Variants in RER1 observed in about 807,000 individuals in gnomAD.
RER1 encodes protein RER1.
Under a neutral mutation model 28.3 loss-of-function variants are expected in RER1, and 6 were observed. The ratio of observed to expected loss-of-function variants is 0.21; its 90% CI spans 0.12 to 0.42. The LOEUF (loss-of-function observed/expected upper bound fraction) is 0.42. Among genes scored for constraint, RER1 ranks in the 10% least tolerant of loss-of-function variants. The pLI, the probability that RER1 is intolerant of heterozygous loss-of-function variation, is 1.00. For synonymous variants in RER1, 110 were observed against 95.9 expected (o/e 1.15, Z -0.86); for missense variants, 159 against 252.9 (o/e 0.63, Z 2.52).
At chr1:2,396,129 A>G (rs1642764651) in intron 2 of RER1, 1 of 455,750 alleles carries the variant, frequency 2.2e-6, no homozygotes, top group African/African-American at 2.0e-5. Context: ...AAAATATAAA[A>G]CCCAGTCTCA....
In RER1 at chr1:2,405,365, T is replaced by G. The variant is rs866387988; in HGVS notation, c.*2241T>G. On this transcript the variant is annotated 3_prime_UTR_variant, in exon 7 of 7. Coordinates refer to ENST00000605895, the MANE Select transcript of RER1 (RefSeq NM_007033.5). ...CCCCACCCAGCACGCACTCATTCAG[T>G]CCATTGCCTTAACACAAGCCTGATG... The G allele has an allele frequency of 1.3e-4, 46 of 364,412 alleles. No homozygotes were observed. The highest frequency in any genetic ancestry group is 7.8e-4 in the African/African-American group (37 of 47,264). 22.6% of individuals were successfully genotyped at this position (364,412 alleles called of 1,614,324 possible).
In RER1 at chr1:2,394,914, T is replaced by G. The variant is rs182110424; in HGVS notation, c.-7-870T>G. ...GCAGGCCCTGGGTACTGAGCTGTGCTTTACCGAAGAGCGGCAGGTCCTGAC... is the reference window on the plus strand; with the variant it reads ...GCAGGCCCTGGGTACTGAGCTGTGCGTTACCGAAGAGCGGCAGGTCCTGAC... On this transcript the variant is annotated intron_variant, in intron 1 of 6. Coordinates refer to ENST00000605895, the MANE Select transcript of RER1 (RefSeq NM_007033.5). 392 of 152,384 alleles carry G rather than the reference T, an allele frequency of 2.6e-3. 3 individuals carry two copies. The highest frequency in any genetic ancestry group is 9.3e-3 in the African/African-American group (387 of 41,582). 9.4% of individuals were successfully genotyped at this position (152,384 alleles called of 1,614,324 possible). A position where few individuals can be genotyped will look rare whatever the true frequency, so the allele number is the denominator to read the frequency against.
rs1642904313 is a variant in RER1 at position 2,403,448 on chromosome 1, AGCAAGGCCTGCGAGGGAGGAACGG to A, written c.*327_*350del. 3.0e-6 allele frequency: 1 copy of A among 338,436 alleles called. No individual in the cohort carries two copies. The highest frequency in any genetic ancestry group is 2.2e-5 in the African/African-American group (1 of 45,910). 21.0% of individuals were successfully genotyped at this position (338,436 alleles called of 1,614,324 possible). ...CCGCTGTGCCAGGTGGGCAGGCAGGAGCAAGGCCTGCGAGGGAGGAACGGGCCGCTCCCCGCCAGCCGCCTTCCC... is the reference window on the plus strand; with the variant it reads ...CCGCTGTGCCAGGTGGGCAGGCAGGAGCCGCTCCCCGCCAGCCGCCTTCCC... On this transcript the variant is annotated 3_prime_UTR_variant, in exon 7 of 7. Coordinates refer to ENST00000605895, the MANE Select transcript of RER1 (RefSeq NM_007033.5).
intron 5 of RER1, among the ~76,000 whole-genome samples, chr1:2,401,391 C>T (rs1337720040): frequency 5.3e-5 from 3 of 56,446 alleles, no homozygotes; most frequent in African/African-American, 1.4e-4. Context: ...CTCCTCCCTC[C>T]TCCTCCCTCC....
intron 5 of RER1, among the ~76,000 whole-genome samples, chr1:2,401,310 CCTCCCTCCTTCCTG>C (rs1642851488): frequency 9.9e-6 from 1 of 101,196 alleles, no homozygotes; most frequent in African/African-American, 3.8e-5. Context: ...CCTGCCGCCT[CCTCCCTCCTTCCTG>C]CCTCCTCCTC....
intron 3 of RER1, among the ~76,000 whole-genome samples, chr1:2,398,324 G>A (rs554861664): frequency 3.7e-4 from 56 of 152,356 alleles, no homozygotes; most frequent in Non-Finnish European, 6.9e-4. Flanking sequence ...GCGTTCAGCC[G>A]TCTGACTGGA....
chr1:2,399,399 T>G lies in RER1; in HGVS notation c.187-16T>G. On this transcript the variant is annotated splice_polypyrimidine_tract_variant and intron_variant, in intron 3 of 6. Coordinates refer to ENST00000605895, the MANE Select transcript of RER1 (RefSeq NM_007033.5). ...CGGTCAGAGTGCACCACTGACTCTC[T>G]TTCCTTCTCTTTCAGGGTTGGTACA... 1 of 1,559,876 alleles carries G rather than the reference T, an allele frequency of 6.4e-7. No individual in the cohort carries two copies. The highest frequency in any genetic ancestry group is 8.8e-7 in the Non-Finnish European group (1 of 1,130,610).
intron 3 of RER1, 40 bp downstream of exon 3, chr1:2,397,260 C>G (rs778599913): frequency 2.2e-6 from 3 of 1,359,232 alleles, no homozygotes; most frequent in Non-Finnish European, 1.1e-6. Context: ...GCTCTGTCCA[C>G]GTTACCTGGG....
rs902595978 is a variant in RER1 at position 2,404,959 on chromosome 1, C to T, written c.*1835C>T. 4 of 154,276 alleles carry T rather than the reference C, an allele frequency of 2.6e-5. No homozygotes were observed. The highest frequency in any genetic ancestry group is 5.8e-5 in the Non-Finnish European group (4 of 69,158). The allele number at this position is 154,276 out of a possible 1,614,324, so 9.6% of individuals were successfully genotyped here. On this transcript the variant is annotated 3_prime_UTR_variant, in exon 7 of 7. Transcript: ENST00000605895. ...CTGAGGGGCTGAACACAGCAGTGAC[C>T]GTGGGTCAGCAGGTCGCCTGCCCAG... is the stretch of plus-strand genomic sequence containing the variant.
intron 5 of RER1, 115 bp downstream of exon 5, chr1:2,401,050 C>T (rs1642838253): frequency 2.3e-6 from 2 of 865,924 alleles, no homozygotes; most frequent in Non-Finnish European, 3.9e-6. Flanking sequence ...CTGGGCTGGG[C>T]ACGGGGAATC....
chr1:2,400,378 G>A (rs1172691081), intron 4 of RER1, among the ~76,000 whole-genome samples: 1 of 152,188 alleles, frequency 6.6e-6, no homozygotes, highest in Non-Finnish European at 1.5e-5. Flanking sequence ...TTTCCTGTAG[G>A]CCTCAGTTTT....
chr1:2,401,252 T>TCCTCCCTCCTCCTCCTCCCTCCTCC (rs148750749), intron 5 of RER1, among the ~76,000 whole-genome samples: 1 of 62,236 alleles, frequency 1.6e-5, no homozygotes, highest in Admixed American at 1.6e-4. Context: ...TCCTCCCTCC[T>TCCTCCCTCCTCCTCCTCCCTCCTCC]TCCTCCCTCC....
Position 2,395,800 on chromosome 1 carries a change from G to C in RER1, c.10G>C (p.Gly4Arg). 1 of 1,612,970 alleles carries C rather than the reference G, an allele frequency of 6.2e-7. No individual in the cohort carries two copies. Among genetic ancestry groups the C allele is most frequent in the Non-Finnish European group, 8.5e-7 (1 of 1,178,856 alleles). MSE[G>R]DSVGESVHGK... is the part of the protein sequence containing the mutation. Reference sequence around the variant, plus strand: ...TTCTCCCAGTTACAGAATGTCTGAAGGGGACAGTGTGGGAGAATCCGTCCA... The same window carrying C: ...TTCTCCCAGTTACAGAATGTCTGAACGGGACAGTGTGGGAGAATCCGTCCA... The change falls in exon 2 of 7, where the codon GGG (glycine) becomes CGG (arginine). Residue 4 changes from glycine (G) to arginine (R), a missense_variant. Transcript: ENST00000605895.
chr1:2,399,099 C>T (rs749409036), intron 3 of RER1, among the ~76,000 whole-genome samples: 36 of 152,322 alleles, frequency 2.4e-4, no homozygotes, highest in Admixed American at 9.8e-4. Context: ...TGAGAAAAGC[C>T]TCCTTTTCTG....
At position 2,395,821 on chromosome 1, in the gene RER1, G is replaced by A. The variant is rs199699910; in HGVS notation, c.31G>A (p.Val11Ile). The A allele has an allele frequency of 8.2e-5, 132 of 1,614,106 alleles. 2 individuals carry two copies. In the South Asian group the frequency reaches 9.0e-4, roughly 11 times the overall value. MSEGDSVGES[V>I]HGKPSVVYRF... is the part of the protein sequence containing the mutation. ...TGAAGGGGACAGTGTGGGAGAATCC[G>A]TCCATGGGAAACCTTCGGTGGTGTA... The change falls in exon 2 of 7, where the codon GTC (valine) becomes ATC (isoleucine). Residue 11 changes from valine to isoleucine, a missense_variant. Coordinates refer to ENST00000605895, the MANE Select transcript of RER1 (RefSeq NM_007033.5).
rs980471084 is a variant in RER1 at position 2,399,551 on chromosome 1, G to T, written c.286+37G>T. 4 of 1,343,134 alleles carry T rather than the reference G, an allele frequency of 3.0e-6. No individual in the cohort carries two copies. In the African/African-American group the frequency reaches 4.3e-5, roughly 15 times the overall value. 83.2% of individuals were successfully genotyped at this position (1,343,134 alleles called of 1,614,324 possible). A position where few individuals can be genotyped will look rare whatever the true frequency, so the allele number is the denominator to read the frequency against. On this transcript the variant is annotated intron_variant, in intron 4 of 6. Transcript: ENST00000605895. ...GCTGTGCACTGGGCTGTGTGGGCAG[G>T]TTGGGCCTTTCTTTTCTGATGGGAT...
In RER1 at chr1:2,402,161, G is replaced by A. The variant is rs757542142; in HGVS notation, c.366-46G>A. The A allele has an allele frequency of 6.2e-5, 100 of 1,613,790 alleles. No individual in the cohort carries two copies. The Middle Eastern group carries it at 8.2e-4, about 13-fold the overall frequency. ...GGCTGGAGGCGGCCGGCAGGTGCCC[G>A]GTGCTGGCTGCAGATGCGGCGCTAA... On this transcript the variant is annotated intron_variant, in intron 5 of 6. Transcript: ENST00000605895.
At chr1:2,398,286 C>G (rs1049915011) in intron 3 of RER1, among the ~76,000 whole-genome samples, 3 of 152,214 alleles carry the variant, frequency 2.0e-5, no homozygotes, top group Non-Finnish European at 4.4e-5. Context: ...GGGATGGACA[C>G]ACAGACATCA....
intron 2 of RER1, chr1:2,396,155 A>G: frequency 5.0e-6 from 2 of 401,896 alleles, no homozygotes; most frequent in Non-Finnish European, 4.7e-6. Context: ...CAGGCAGGAC[A>G]GATGCGGCCG....
Sources: allele counts gnomAD v4.1 joint callset (sites outside exome capture counted in the v4.1 genomes callset), GRCh38; gene constraint gnomAD v4.1.1; transcripts MANE v1.5; gene names NCBI Gene and HGNC (gene_info 2026-07-23, HGNC 2026-07-21).